The following ADGRG3 variants were observed in gnomAD, a reference collection of about 807,000 sequenced individuals.
ADGRG3 encodes the protein adhesion G protein-coupled receptor G3, also known as G protein-coupled receptor 97.
A neutral mutation model predicts 54.3 loss-of-function variants in ADGRG3; 39 were observed. That is an observed-to-expected ratio of 0.72 (90% CI 0.56 to 0.94). ADGRG3 has a LOEUF of 0.94. ADGRG3 is among the 40% of genes least tolerant of loss of function. The probability of loss-of-function intolerance (pLI) is 0.00; values close to 1 mark genes in which losing one functional copy is unlikely to be tolerated. For synonymous variants in ADGRG3, 312 were observed against 290.0 expected (o/e 1.08, Z -0.77); for missense variants, 654 against 694.6 (o/e 0.94, Z 0.66).
intron 11 of ADGRG3, 92 bp downstream of exon 11, chr16:57,686,018 G>A (rs1597782926): frequency 7.7e-7 from 1 of 1,295,752 alleles, no homozygotes. Context: ...CAAGACACAG[G>A]ACTCTGTTCA....
chr16:57,683,252 C>T (rs1315777855), intron 8 of ADGRG3, among the ~76,000 whole-genome samples: 1 of 152,188 alleles, frequency 6.6e-6, no homozygotes, highest in African/African-American at 2.4e-5. Context: ...AATCTCTAGC[C>T]AGTGTCTGGC....
At position 57,688,364 on chromosome 16, in the gene ADGRG3, G is replaced by T. The variant is rs1453679326; in HGVS notation, c.1553G>T (p.Cys518Phe). 1.2e-6 allele frequency: 2 copies of T among 1,611,324 alleles called. No individual in the cohort carries two copies. Among genetic ancestry groups the T allele is most frequent in the African/African-American group, 2.7e-5 (2 of 74,802 alleles). The change falls in exon 12 of 12, where the codon TGC becomes TTC. Residue 518 changes from cysteine to phenylalanine, a missense_variant. Transcript: ENST00000333493. ...TCCTTCCTAACAGGTGTCTTCATCT[G>T]CTGCTGGTTCACCATCCTTTACCTC... is the stretch of plus-strand genomic sequence containing the variant. Reference protein sequence around the residue: ...LFNSLQGVFICCWFTILYLPS... With the variant: ...LFNSLQGVFIFCWFTILYLPS...
chr16:57,683,919 T>C lies in ADGRG3; in HGVS notation c.882-13T>C. ...AGCTGTGGCCCCTTGGGGCCTCTTA[T>C]TTCTCACCCCAGGCTTTCCCGGGAG... On this transcript the variant is annotated splice_polypyrimidine_tract_variant and intron_variant, in intron 8 of 11. Transcript: ENST00000333493. 1 of 1,527,080 alleles carries C rather than the reference T, an allele frequency of 6.5e-7. No individual in the cohort carries two copies. The highest frequency in any genetic ancestry group is 1.3e-5 in the South Asian group (1 of 76,242). The allele number at this position is 1,527,080 out of a possible 1,614,324, so 94.6% of individuals were successfully genotyped here. A position where few individuals can be genotyped will look rare whatever the true frequency, so the allele number is the denominator to read the frequency against.
In ADGRG3 at chr16:57,673,460, C is replaced by T; in HGVS notation, c.198C>T (p.Asn66=). Residue 66 remains asparagine (N), a synonymous_variant, in exon 2 of 12, where the codon AAC becomes AAT. Coordinates refer to ENST00000333493, the MANE Select transcript of ADGRG3 (RefSeq NM_170776.5). ...GCAGCGACTCCTGCAATGTGGAAAA[C>T]TTGCAGAGGTGAGGGGGCCCCCTGA... The part of the protein sequence containing the change: ...QSGSDSCNVE[N]LQRYWLNYEA... The T allele has an allele frequency of 6.2e-7, 1 of 1,602,980 alleles. No individual in the cohort carries two copies. Among genetic ancestry groups the T allele is most frequent in the Non-Finnish European group, 8.5e-7 (1 of 1,170,558 alleles).
chr16:57,668,540 C>G lies in ADGRG3; in HGVS notation c.58+135C>G, dbSNP rs559947556. ...GTCTGGGATGTGTCCTCCGATACCC[C>G]CCGTGGCCGCCTCAGCACCTTCTCT... On this transcript the variant is annotated intron_variant, in intron 1 of 11. Coordinates refer to ENST00000333493, the MANE Select transcript of ADGRG3 (RefSeq NM_170776.5). 445 of 766,496 alleles carry G rather than the reference C, an allele frequency of 5.8e-4. 2 individuals carry two copies. The highest frequency in any genetic ancestry group is 1.8e-3 in the Middle Eastern group (5 of 2,782). 47.5% of individuals were successfully genotyped at this position (766,496 alleles called of 1,614,324 possible). A position where few individuals can be genotyped will look rare whatever the true frequency, so the allele number is the denominator to read the frequency against.
In ADGRG3 at chr16:57,673,477, G is replaced by A; in HGVS notation, c.206+9G>A. 2 of 1,591,496 alleles carry A rather than the reference G, an allele frequency of 1.3e-6. No individual in the cohort carries two copies. The highest frequency in any genetic ancestry group is 1.7e-6 in the Non-Finnish European group (2 of 1,161,796). On this transcript the variant is annotated intron_variant, in intron 2 of 11. Transcript: ENST00000333493. ...GTGGAAAACTTGCAGAGGTGAGGGG[G>A]CCCCCTGAGCTGGAGGGGGAATCTG...
chr16:57,672,095 G>A (rs2048172056), intron 1 of ADGRG3, among the ~76,000 whole-genome samples: 3 of 152,132 alleles, frequency 2.0e-5, no homozygotes, highest in Admixed American at 6.6e-5. Flanking sequence ...TTGGAGGATC[G>A]ATTGAGCCTG....
At position 57,684,001 on chromosome 16, in the gene ADGRG3, C is replaced by T. The variant is rs757210184; in HGVS notation, c.951C>T (p.Phe317=). 15 of 1,608,426 alleles carry T rather than the reference C, an allele frequency of 9.3e-6. No homozygotes were observed. The highest frequency in any genetic ancestry group is 1.3e-5 in the Non-Finnish European group (15 of 1,175,910). Residue 317 remains phenylalanine (F), a synonymous_variant, in exon 9 of 12, where the codon TTC becomes TTT. Transcript: ENST00000333493. ...ACGTGGCCCTGGGTGGCAGCCTGTT[C>T]CTCCTGAATCTGGCCTTCTTGGTCA... The part of the protein sequence containing the change: ...KIHVALGGSL[F]LLNLAFLVNV...
At chr16:57,668,216 G>A, upstream of ADGRG3, 1 of 699,578 alleles carries the variant, frequency 1.4e-6, no homozygotes, top group East Asian at 2.7e-5. Context: ...CATCGAGCAG[G>A]AAGGGTGAGA....
chr16:57,679,448 G>T, intron 5 of ADGRG3, 137 bp downstream of exon 5: 1 of 983,950 alleles, frequency 1.0e-6, no homozygotes. Context: ...AGCCATTAGG[G>T]CCATACACAT....
chr16:57,684,423 G>C lies in ADGRG3; in HGVS notation c.1196G>C (p.Ser399Thr). ...GCCCTGATGGTCATCGGCACTGGGA[G>C]TGCCAACAGCTACGGCCTCTACACC... ...LPALMVIGTGSANSYGLYTIR... is the reference protein window; with the variant it reads ...LPALMVIGTGTANSYGLYTIR... Residue 399 changes from serine (S) to threonine (T), a missense_variant, in exon 10 of 12, where the codon AGT (serine) becomes ACT (threonine). Physicochemically the swap from Ser to Thr is moderately conservative, Grantham distance 58. Transcript: ENST00000333493. 1 of 1,613,944 alleles carries C rather than the reference G, an allele frequency of 6.2e-7. No individual in the cohort carries two copies. The highest frequency in any genetic ancestry group is 8.5e-7 in the Non-Finnish European group (1 of 1,179,958).
upstream of ADGRG3, among the ~76,000 whole-genome samples, chr16:57,667,670 C>T (rs1473372604): frequency 1.3e-5 from 2 of 152,204 alleles, no homozygotes; most frequent in Non-Finnish European, 2.9e-5. Context: ...GCCCCCGGGG[C>T]CGCACTGCTG....
intron 1 of ADGRG3, among the ~76,000 whole-genome samples, chr16:57,670,090 T>C (rs1005644496): frequency 2.6e-5 from 4 of 152,136 alleles, no homozygotes; most frequent in Non-Finnish European, 4.4e-5. Flanking sequence ...GAAGGAGCCA[T>C]GCGGGGTGGG....
At position 57,688,334 on chromosome 16, in the gene ADGRG3, G is replaced by A. The variant is rs757024176; in HGVS notation, c.1541-18G>A. ...CCCACCCCTTTCCAGGCTCACCGAG[G>A]CCTCTCCTTCCTAACAGGTGTCTTC... On this transcript the variant is annotated intron_variant, in intron 11 of 11. Transcript: ENST00000333493. The A allele has an allele frequency of 2.0e-6, 3 of 1,528,034 alleles. No homozygotes were observed. Among genetic ancestry groups the A allele is most frequent in the African/African-American group, 2.7e-5 (2 of 73,078 alleles). 94.7% of individuals were successfully genotyped at this position (1,528,034 alleles called of 1,614,324 possible).
intron 1 of ADGRG3, among the ~76,000 whole-genome samples, chr16:57,669,887 C>T (rs1355123028): frequency 6.6e-6 from 1 of 152,120 alleles, no homozygotes; most frequent in Non-Finnish European, 1.5e-5. Flanking sequence ...CATGAAGGGA[C>T]ACGTGACAAA....
rs1184398749 is a variant in ADGRG3, at chr16:57,685,709, C to T, written c.1323C>T (p.Ile441=). Residue 441 remains isoleucine (I), a synonymous_variant, in exon 11 of 12, where the codon ATC becomes ATT. Transcript: ENST00000333493. ...LYITVHGYFL[I]TFLFGMVVLA... ...TCACCGTCCACGGCTACTTCCTCAT[C>T]ACCTTCCTCTTTGGCATGGTGGTCC... is the stretch of plus-strand genomic sequence containing the variant. 4 of 1,614,204 alleles carry T rather than the reference C, an allele frequency of 2.5e-6. No individual in the cohort carries two copies. The African/African-American group carries it at 4.0e-5, about 16-fold the overall frequency.
Position 57,679,240 on chromosome 16 carries a change from G to A in ADGRG3, c.556G>A (p.Val186Met), listed in dbSNP as rs1387091380. Residue 186 changes from valine (V) to methionine (M), a missense_variant, in exon 5 of 12, where the codon GTG becomes ATG. Val to Met is a conservative substitution (Grantham distance 21). Transcript: ENST00000333493. Reference protein sequence around the residue: ...VLNNRLVGLSVGQMHVTKLAE... With the variant: ...VLNNRLVGLSMGQMHVTKLAE... ...GAACAATCGCCTGGTGGGTTTGAGTGTGGGACAAATGCATGTCACCAAGCT... is the reference window on the plus strand; with the variant it reads ...GAACAATCGCCTGGTGGGTTTGAGTATGGGACAAATGCATGTCACCAAGCT... 2.5e-6 allele frequency: 4 copies of A among 1,613,954 alleles called. No homozygotes were observed. The highest frequency in any genetic ancestry group is 1.1e-5 in the South Asian group (1 of 91,088).
intron 8 of ADGRG3, among the ~76,000 whole-genome samples, chr16:57,683,368 A>G (rs1375770472): frequency 1.3e-5 from 2 of 152,234 alleles, no homozygotes; most frequent in Admixed American, 6.5e-5. Flanking sequence ...GCCCATATGC[A>G]TGAACCTTAA....
rs775007818 is a variant in ADGRG3, at chr16:57,676,202, A to T, written c.209A>T (p.Tyr70Phe). Reference sequence around the variant, plus strand: ...CCCCCATCCCTGGCCCTTTGCAGATACTGGCTAAACTACGAGGCCCATCTG... The same window carrying T: ...CCCCCATCCCTGGCCCTTTGCAGATTCTGGCTAAACTACGAGGCCCATCTG... ...DSCNVENLQR[Y>F]WLNYEAHLMK... Residue 70 changes from tyrosine (Y) to phenylalanine (F), a missense_variant and splice_region_variant, in exon 3 of 12, where the codon TAC becomes TTC. Transcript: ENST00000333493. 4.3e-6 allele frequency: 7 copies of T among 1,613,912 alleles called. No homozygotes were observed. In the South Asian group the frequency reaches 7.7e-5, roughly 18 times the overall value.
Sources: allele counts gnomAD v4.1 joint callset (sites outside exome capture counted in the v4.1 genomes callset), GRCh38; gene constraint gnomAD v4.1.1; transcripts MANE v1.5; gene names NCBI Gene and HGNC (gene_info 2026-07-23, HGNC 2026-07-21).